Variants in TMEM38B observed in about 807,000 individuals in gnomAD.
TMEM38B encodes the protein transmembrane protein 38B, also known as trimeric intracellular cation channel type B.
TMEM38B carries 24 observed loss-of-function variants against 28.7 expected under a neutral mutation model. That is an observed-to-expected ratio of 0.84 (90% CI 0.61 to 1.18). The LOEUF is 1.18. TMEM38B is among the 50% of genes most tolerant of loss of function. The probability of loss-of-function intolerance (pLI) is 0.00; values close to 1 mark genes in which losing one functional copy is unlikely to be tolerated. For missense variants in TMEM38B, 380 were observed against 350.9 expected (o/e 1.08, Z -0.66); for synonymous variants, 131 against 127.7 (o/e 1.03, Z -0.17).
chr9:105,758,328 T>C lies in TMEM38B; in HGVS notation c.660+10138T>C, dbSNP rs1837908207. On this transcript the variant is annotated intron_variant, in intron 5 of 5. Transcript: ENST00000374692. Reference sequence around the variant, plus strand: ...CTACAGCAAGTGGCAGAGCTAGAATTCAGATCTTCCTGGTATGGCGATCTT... The same window carrying C: ...CTACAGCAAGTGGCAGAGCTAGAATCCAGATCTTCCTGGTATGGCGATCTT... The C allele has an allele frequency of 1.2e-5, 10 of 824,826 alleles. No individual in the cohort carries two copies. The East Asian group carries it at 2.4e-4, about 20-fold the overall frequency. 51.1% of individuals were successfully genotyped at this position (824,826 alleles called of 1,614,324 possible).
At chr9:105,770,248 C>G (rs140818290) in intron 5 of TMEM38B, among the ~76,000 whole-genome samples, 236 of 152,160 alleles carry the variant, frequency 1.6e-3, no homozygotes, top group African/African-American at 5.4e-3. Flanking sequence ...TAAAAAGGAG[C>G]AGGAGATATG....
chr9:105,769,140 A>G (rs745782528), intron 5 of TMEM38B, among the ~76,000 whole-genome samples: 8 of 152,188 alleles, frequency 5.3e-5, no homozygotes, highest in Non-Finnish European at 8.8e-5. Context: ...ATAAAGGACC[A>G]AAACCTGATG....
At chr9:105,739,667 G>A (rs1289962294) in intron 4 of TMEM38B, among the ~76,000 whole-genome samples, 1 of 151,960 alleles carries the variant, frequency 6.6e-6, no homozygotes, top group East Asian at 1.9e-4. Context: ...TGGGATTACA[G>A]GCAGGTGCCA....
Position 105,748,673 on chromosome 9 carries a change from A to T in TMEM38B, c.660+483A>T, listed in dbSNP as rs1312609613. 4.6e-5 allele frequency among the ~76,000 whole-genome samples: 7 copies of T among 152,260 alleles called. No individual in the cohort carries two copies. In the East Asian group the frequency reaches 1.2e-3, roughly 25 times the overall value. On this transcript the variant is annotated intron_variant, in intron 5 of 5. Coordinates refer to ENST00000374692, the MANE Select transcript of TMEM38B (RefSeq NM_018112.3). ...ACAGGCAGTCTTGGGTTCAAATCCC[A>T]GTTTTGCTGCCTAGTCCCTGAATAG...
In TMEM38B at chr9:105,776,326, A is replaced by G. The variant is rs930096517; in HGVS notation, c.*2246A>G. ...ATTAGTCACTCTTCCTTACTGAGGGAGTATCAAGTAAGGGCTGGAGAGAGA... is the reference window on the plus strand; with the variant it reads ...ATTAGTCACTCTTCCTTACTGAGGGGGTATCAAGTAAGGGCTGGAGAGAGA... On this transcript the variant is annotated 3_prime_UTR_variant, in exon 6 of 6. Transcript: ENST00000374692. 1 of 152,172 alleles carries G rather than the reference A, an allele frequency of 6.6e-6. No individual in the cohort carries two copies. The highest frequency in any genetic ancestry group is 1.5e-5 in the Non-Finnish European group (1 of 68,034). The allele number at this position is 152,172 out of a possible 1,614,324, so 9.4% of individuals were successfully genotyped here. A position where few individuals can be genotyped will look rare whatever the true frequency, so the allele number is the denominator to read the frequency against.
intron 4 of TMEM38B, among the ~76,000 whole-genome samples, chr9:105,738,706 A>C (rs1487223749): frequency 7.5e-6 from 1 of 132,606 alleles, no homozygotes; most frequent in African/African-American, 3.3e-5. Flanking sequence ...CATATGAGTT[A>C]ATTTTTTCCT....
chr9:105,729,077 T>G lies in TMEM38B; in HGVS notation c.542+6456T>G, dbSNP rs537122433. 3.3e-4 allele frequency among the ~76,000 whole-genome samples: 50 copies of G among 152,356 alleles called. No individual in the cohort carries two copies. The South Asian group carries it at 3.3e-3, about 10-fold the overall frequency. ...TTGCTTTTGCTGTGCAGAAGCTCTT[T>G]AGTTTAATTAGATCCCATTTGTCAA... On this transcript the variant is annotated intron_variant, in intron 4 of 5. Transcript: ENST00000374692.
intron 1 of TMEM38B, among the ~76,000 whole-genome samples, chr9:105,696,063 A>G (rs1256501298): frequency 6.6e-6 from 1 of 152,206 alleles, no homozygotes; most frequent in East Asian, 1.9e-4. Flanking sequence ...TTTCGTAATA[A>G]TATGCAGATG....
intron 5 of TMEM38B, among the ~76,000 whole-genome samples, chr9:105,762,565 T>C (rs909463473): frequency 6.9e-6 from 1 of 144,192 alleles, no homozygotes; most frequent in Admixed American, 6.9e-5. Context: ...ATTTCATCCA[T>C]GTCCCTACAA....
intron 2 of TMEM38B, among the ~76,000 whole-genome samples, chr9:105,710,044 C>T (rs1264158370): frequency 2.0e-5 from 3 of 152,190 alleles, no homozygotes; most frequent in East Asian, 3.8e-4. Context: ...GTTGAATGTC[C>T]TTTTATTTGT....
In TMEM38B at chr9:105,774,020, A is replaced by G. The variant is rs1826646768; in HGVS notation, c.816A>G (p.Ser272=). 1 of 1,613,660 alleles carries G rather than the reference A, an allele frequency of 6.2e-7. No individual in the cohort carries two copies. Among genetic ancestry groups the G allele is most frequent in the South Asian group, 1.1e-5 (1 of 91,082 alleles). Residue 272 remains serine, a synonymous_variant, in exon 6 of 6, where the codon TCA becomes TCG. Coordinates refer to ENST00000374692, the MANE Select transcript of TMEM38B (RefSeq NM_018112.3). ...SPSNGVGSLA[S]KPVDVASDNV... is the part of the protein sequence containing the mutation. ...CCAATGGCGTTGGGTCATTGGCCTC[A>G]AAGCCGGTAGATGTTGCCTCAGATA...
chr9:105,738,000 A>G (rs1837048340), intron 4 of TMEM38B, among the ~76,000 whole-genome samples: 1 of 152,172 alleles, frequency 6.6e-6, no homozygotes, highest in Non-Finnish European at 1.5e-5. Context: ...CCAGACAGGC[A>G]TGGTGCAGTG....
intron 5 of TMEM38B, among the ~76,000 whole-genome samples, chr9:105,762,332 G>A (rs1838086530): frequency 6.6e-6 from 1 of 150,762 alleles, no homozygotes; most frequent in African/African-American, 2.4e-5. Flanking sequence ...ATGTATACAT[G>A]TGCCATGCTG....
intron 5 of TMEM38B, among the ~76,000 whole-genome samples, chr9:105,762,912 A>T (rs1229134138): frequency 2.1e-5 from 3 of 143,040 alleles, no homozygotes; most frequent in Non-Finnish European, 4.5e-5. Flanking sequence ...CATCCTCTCC[A>T]GCACCTGTTG....
intron 4 of TMEM38B, among the ~76,000 whole-genome samples, chr9:105,743,828 G>A (rs947995240): frequency 6.6e-6 from 1 of 152,046 alleles, no homozygotes; most frequent in African/African-American, 2.4e-5. Context: ...GCACTGTAAG[G>A]TTTTTAAAGA....
intron 4 of TMEM38B, among the ~76,000 whole-genome samples, chr9:105,746,571 C>G (rs1012019420): frequency 2.0e-5 from 3 of 152,180 alleles, no homozygotes; most frequent in Non-Finnish European, 4.4e-5. Flanking sequence ...CTCTTTATTT[C>G]TTTCTCCTGC....
At chr9:105,756,923 T>G (rs1398410989) in intron 5 of TMEM38B, among the ~76,000 whole-genome samples, 3 of 152,184 alleles carry the variant, frequency 2.0e-5, no homozygotes, top group Non-Finnish European at 4.4e-5. Flanking sequence ...AAATTTTATT[T>G]CAATAGTTTT....
At chr9:105,767,047 A>T (rs181056621) in intron 5 of TMEM38B, among the ~76,000 whole-genome samples, 20 of 151,936 alleles carry the variant, frequency 1.3e-4, no homozygotes, top group Middle Eastern at 3.4e-3. Context: ...AGCTTCATCT[A>T]TGTCCCTACA....
intron 4 of TMEM38B, among the ~76,000 whole-genome samples, chr9:105,740,792 G>A (rs1341307201): frequency 6.6e-6 from 1 of 152,088 alleles, no homozygotes; most frequent in East Asian, 1.9e-4. Context: ...TTGGGGAAAT[G>A]TTAACATAAA....
Sources: gnomAD v4.1 joint callset for allele counts (sites outside exome capture counted in the v4.1 genomes callset) on GRCh38, gnomAD v4.1.1 for gene constraint, MANE v1.5 for transcripts, NCBI Gene and HGNC (gene_info 2026-07-23, HGNC 2026-07-21) for gene names.